Variants in TMEM116 observed in about 807,000 individuals in gnomAD.
The protein encoded by TMEM116 is transmembrane protein 116.
Under a neutral mutation model 44.3 loss-of-function variants are expected in TMEM116, and 38 were observed. The observed-to-expected ratio is 0.86, with a 90% CI of 0.66 to 1.12. TMEM116 has a LOEUF of 1.12. Among genes scored for constraint, TMEM116 ranks in the 50% most tolerant of loss-of-function variants. TMEM116 has a pLI of 0.00. For missense variants in TMEM116, 354 were observed against 401.7 expected (o/e 0.88, Z 1.01); for synonymous variants, 132 against 144.8 (o/e 0.91, Z 0.64).
intron 4 of TMEM116, among the ~76,000 whole-genome samples, chr12:111,990,234 G>A (rs927063859): frequency 6.8e-6 from 1 of 146,538 alleles, no homozygotes; most frequent in Middle Eastern, 3.3e-3. Context: ...CAGCATCAGC[G>A]ACAGAGCGAG....
At chr12:111,939,962 T>C (rs1164629881) in intron 5 of TMEM116, among the ~76,000 whole-genome samples, 1 of 142,822 alleles carries the variant, frequency 7.0e-6, no homozygotes, top group African/African-American at 2.6e-5. Flanking sequence ...AGCAGACTAA[T>C]AGGTAGTGGA....
intron 4 of TMEM116, among the ~76,000 whole-genome samples, chr12:111,949,339 C>T (rs2073536411): frequency 6.6e-6 from 1 of 151,982 alleles, no homozygotes; most frequent in African/African-American, 2.4e-5. Context: ...TAAAAATATG[C>T]TATTTTTATA....
intron 4 of TMEM116, among the ~76,000 whole-genome samples, chr12:111,966,198 T>C (rs1425199061): frequency 1.3e-5 from 2 of 151,564 alleles, no homozygotes; most frequent in Non-Finnish European, 2.9e-5. Context: ...CCCAGCTACT[T>C]GGGAGGCTGA....
At chr12:111,989,103 A>T (rs1466553436) in intron 4 of TMEM116, among the ~76,000 whole-genome samples, 1 of 152,234 alleles carries the variant, frequency 6.6e-6, no homozygotes, top group Non-Finnish European at 1.5e-5. Flanking sequence ...TATAAAAAAC[A>T]ACCACTTGAA....
intron 4 of TMEM116, among the ~76,000 whole-genome samples, chr12:111,958,459 C>T (rs1281554587): frequency 1.3e-5 from 2 of 152,018 alleles, no homozygotes; most frequent in Non-Finnish European, 2.9e-5. Flanking sequence ...ATCACAACTC[C>T]TTGCCAGCAA....
Position 111,940,498 on chromosome 12 carries a change from CATATATAT to C in TMEM116, c.316-2296_316-2289del, listed in dbSNP as rs1385809809. Among the ~76,000 whole-genome samples the C allele has an allele frequency of 2.8e-3, 327 of 118,882 alleles. 7 individuals carry two copies. The highest frequency in any genetic ancestry group is 0.011 in the African/African-American group (315 of 29,856). The allele number at this position is 118,882 out of a possible 152,430, so 78.0% of individuals were successfully genotyped here. On this transcript the variant is annotated intron_variant, in intron 5 of 10. Transcript: ENST00000552374. ...ATATACATACACACACACACACACA[CATATATAT>C]ACACACATATATATGTGTATATATA...
At chr12:111,974,345 G>C (rs2136478510) in intron 4 of TMEM116, among the ~76,000 whole-genome samples, 1 of 152,180 alleles carries the variant, frequency 6.6e-6, no homozygotes, top group South Asian at 2.1e-4. Context: ...AATCAGGCAG[G>C]GGAAAGAAAG....
rs934170052 is a variant in TMEM116, at chr12:111,983,440, T to TA, written c.210+8317dup. 4.9e-3 allele frequency among the ~76,000 whole-genome samples: 714 copies of TA among 146,148 alleles called. 4 individuals are homozygous for TA. The highest frequency in any genetic ancestry group is 8.4e-3 in the African/African-American group (336 of 39,826). ...CTGGGCAACAGAGCAAGACTCTATC[T>TA]AAAAAAAAAACACAAAAAAATTAGC... On this transcript the variant is annotated intron_variant, in intron 4 of 10. Coordinates refer to ENST00000552374, the MANE Select transcript of TMEM116 (RefSeq NM_001193531.2).
At chr12:111,952,050 G>A (rs1331263400) in intron 4 of TMEM116, among the ~76,000 whole-genome samples, 1 of 152,014 alleles carries the variant, frequency 6.6e-6, no homozygotes, top group Non-Finnish European at 1.5e-5. Flanking sequence ...CCAACATGGT[G>A]AAACCCCATT....
intron 4 of TMEM116, chr12:111,965,694 G>A (rs1367435747): frequency 7.6e-6 from 3 of 396,216 alleles, no homozygotes; most frequent in African/African-American, 4.3e-5. Flanking sequence ...GGAGGCCCAA[G>A]CGGTGAATCA....
chr12:112,007,983 G>T (rs923667112), intron 1 of TMEM116, among the ~76,000 whole-genome samples: 4 of 152,188 alleles, frequency 2.6e-5, no homozygotes, highest in Non-Finnish European at 5.9e-5. Flanking sequence ...GCTAGTCCAA[G>T]CTCAAATGAT....
intron 3 of TMEM116, among the ~76,000 whole-genome samples, chr12:111,996,369 A>G (rs2076932179): frequency 6.6e-6 from 1 of 152,186 alleles, no homozygotes; most frequent in African/African-American, 2.4e-5. Context: ...GAAAAACTCA[A>G]CAGAAAAACA....
At chr12:112,005,453 G>A in intron 1 of TMEM116, 150 bp from the exon 2 acceptor site, 1 of 558,338 alleles carries the variant, frequency 1.8e-6, no homozygotes, top group Non-Finnish European at 2.7e-6. Flanking sequence ...TTAAAAGGCT[G>A]AACAGGCCCC....
rs565193424 is a variant in TMEM116, at chr12:111,936,736, C to T, written c.544G>A (p.Ala182Thr). 9 of 1,613,734 alleles carry T rather than the reference C, an allele frequency of 5.6e-6. No individual in the cohort carries two copies. The highest frequency in any genetic ancestry group is 5.5e-5 in the South Asian group (5 of 91,024). Residue 182 changes from alanine to threonine, a missense_variant, in exon 8 of 11, where the codon GCC becomes ACC. Coordinates refer to ENST00000552374, the MANE Select transcript of TMEM116 (RefSeq NM_001193531.2). ...AGTACAAAGCTGCCCAGGAAAATGG[C>T]GATACCATAAAAATAAAGTGTGCTA... ...VCSTLYFYGIAIFLGSFVLSL... is the reference protein window; with the variant it reads ...VCSTLYFYGITIFLGSFVLSL...
intron 2 of TMEM116, 92 bp downstream of exon 2, chr12:112,005,165 A>T (rs1479424098): frequency 1.2e-6 from 1 of 864,618 alleles, no homozygotes; most frequent in Non-Finnish European, 1.7e-6. Flanking sequence ...CTAAAGAGTA[A>T]AAGCAAATCC....
At position 111,934,032 on chromosome 12, in the gene TMEM116, T is replaced by G. The variant is rs762752148; in HGVS notation, c.589-2A>C. On this transcript the variant is annotated splice_acceptor_variant, in intron 8 of 10. Transcript: ENST00000552374. LOFTEE classifies it high-confidence loss of function. The stretch of plus-strand genomic sequence containing the variant: ...TGTCTGGGCTCGGATAAGTAAGACC[T>G]AAATATGAGTACAGCAGTGAGCAGT... The G allele has an allele frequency of 3.1e-6, 5 of 1,613,942 alleles. No individual in the cohort carries two copies. The highest frequency in any genetic ancestry group is 4.2e-6 in the Non-Finnish European group (5 of 1,179,960).
At chr12:112,008,216 C>T (rs2077678400) in intron 1 of TMEM116, among the ~76,000 whole-genome samples, 1 of 152,134 alleles carries the variant, frequency 6.6e-6, no homozygotes, top group Non-Finnish European at 1.5e-5. Flanking sequence ...GGCGCGGTGG[C>T]TCACACCTGT....
At chr12:111,981,280 A>G (rs1285265226) in intron 4 of TMEM116, among the ~76,000 whole-genome samples, 3 of 152,136 alleles carry the variant, frequency 2.0e-5, no homozygotes, top group Non-Finnish European at 4.4e-5. Context: ...CTAATCAAAA[A>G]TTTACAAAAC....
chr12:111,971,188 T>C (rs1169808676), intron 4 of TMEM116, among the ~76,000 whole-genome samples: 1 of 131,610 alleles, frequency 7.6e-6, no homozygotes, highest in Non-Finnish European at 1.7e-5. Context: ...ATAATATTGA[T>C]TGGAAATCAG....
Sources: gnomAD v4.1 joint callset for allele counts (sites outside exome capture counted in the v4.1 genomes callset) on GRCh38, gnomAD v4.1.1 for gene constraint, MANE v1.5 for transcripts, NCBI Gene and HGNC (gene_info 2026-07-23, HGNC 2026-07-21) for gene names.